GLRA2: variants seen among roughly 807,000 people sequenced by gnomAD.
GLRA2 encodes glycine receptor subunit alpha-2.
GLRA2 carries 11 observed loss-of-function variants against 31.6 expected under a neutral mutation model. That is an observed-to-expected ratio of 0.35 (90% CI 0.22 to 0.58). The LOEUF (loss-of-function observed/expected upper bound fraction) is 0.58, where lower values mean the gene tolerates loss of function less well. Ranked by LOEUF, GLRA2 falls within the 20% of genes least tolerant of loss-of-function variation. The pLI is 0.84. For missense variants in GLRA2, 212 were observed against 351.8 expected, an observed-to-expected ratio of 0.60 and a Z score of 3.18; for synonymous variants, 132 against 134.0, an observed-to-expected ratio of 0.99 and a Z score of 0.10.
the GLRA2 span, among the ~76,000 whole-genome samples, chrX:14,470,102 C>G: frequency 9.0e-6 from 1 of 111,547 alleles, no homozygotes; most frequent in Non-Finnish European, 1.9e-5. Context: ...ATCCTTAAGT[C>G]AAATTTTTAT....
At chrX:14,645,933 G>A (rs753552643) in intron 7 of GLRA2, among the ~76,000 whole-genome samples, 2 of 111,609 alleles carry the variant, frequency 1.8e-5, no homozygotes, top group Non-Finnish European at 3.8e-5. Flanking sequence ...CTTCCAACCT[G>A]ACTGCATGAA....
chrX:14,454,050 G>A, the GLRA2 span, among the ~76,000 whole-genome samples: 1 of 111,003 alleles, frequency 9.0e-6, no homozygotes, highest in South Asian at 3.8e-4. Flanking sequence ...GTAGTAGAAA[G>A]GTGAGTTGGT....
At chrX:14,485,689 C>T in the GLRA2 span, among the ~76,000 whole-genome samples, 2 of 111,636 alleles carry the variant, frequency 1.8e-5, no homozygotes, top group Non-Finnish European at 3.8e-5. Context: ...CCACATGTCA[C>T]CACCCCTACT....
rs1569502164 is a variant in GLRA2, at chrX:14,581,489, T to C, written c.494+83T>C. 12 of 551,086 alleles carry C rather than the reference T, an allele frequency of 2.2e-5. No individual in the cohort carries two copies. The East Asian group carries it at 3.8e-4, about 17-fold the overall frequency. The allele number at this position is 551,086 out of a possible 1,213,427, so 45.4% of individuals were successfully genotyped here. A position where few individuals can be genotyped will look rare whatever the true frequency, so the allele number is the denominator to read the frequency against. Reference sequence around the variant, plus strand: ...GCCTGATTCTGCAGGGTAGGATGTATATGAATATTTGACTTTTGTGGTTTC... The same window carrying C: ...GCCTGATTCTGCAGGGTAGGATGTACATGAATATTTGACTTTTGTGGTTTC... On this transcript the variant is annotated intron_variant, in intron 4 of 8. Coordinates refer to ENST00000218075, the MANE Select transcript of GLRA2 (RefSeq NM_002063.4).
chrX:14,480,582 G>T, the GLRA2 span, among the ~76,000 whole-genome samples: 1 of 111,517 alleles, frequency 9.0e-6, no homozygotes, highest in African/African-American at 3.3e-5. Flanking sequence ...CATATAGCGA[G>T]CCAGCTATCC....
intron 7 of GLRA2, among the ~76,000 whole-genome samples, chrX:14,653,781 C>T (rs1373412668): frequency 6.2e-5 from 7 of 112,124 alleles, no homozygotes; most frequent in Non-Finnish European, 1.1e-4. Flanking sequence ...AGAAATCTTT[C>T]GTAAAAGGAA....
the GLRA2 span, among the ~76,000 whole-genome samples, chrX:14,454,310 T>C: frequency 2.7e-5 from 3 of 110,510 alleles, no homozygotes; most frequent in Non-Finnish European, 5.7e-5. Context: ...TGAGATGTTG[T>C]ACCATAGTTT....
At chrX:14,659,402 C>T (rs1357120006) in intron 7 of GLRA2, among the ~76,000 whole-genome samples, 1 of 112,313 alleles carries the variant, frequency 8.9e-6, no homozygotes, top group Non-Finnish European at 1.9e-5. Flanking sequence ...ATTTACCAAT[C>T]TAACAAAAAT....
chrX:14,640,923 C>T (rs1025467476), intron 7 of GLRA2, among the ~76,000 whole-genome samples: 1 of 110,856 alleles, frequency 9.0e-6, no homozygotes, highest in Non-Finnish European at 1.9e-5. Flanking sequence ...TATTGACATG[C>T]TTGACTCCAG....
chrX:14,571,101 C>T (rs865876067), intron 2 of GLRA2, among the ~76,000 whole-genome samples: 2 of 111,084 alleles, frequency 1.8e-5, no homozygotes, highest in Non-Finnish European at 1.9e-5. Context: ...AAGGAAGGAA[C>T]GAAGGATAGG....
the GLRA2 span, among the ~76,000 whole-genome samples, chrX:14,484,082 C>T: frequency 9.0e-6 from 1 of 111,219 alleles, no homozygotes; most frequent in South Asian, 3.8e-4. Flanking sequence ...TGAGTTAATA[C>T]TTAATAAACT....
chrX:14,712,513 A>T (rs911365614), intron 8 of GLRA2, among the ~76,000 whole-genome samples: 5 of 111,494 alleles, frequency 4.5e-5, no homozygotes, highest in African/African-American at 1.3e-4. Flanking sequence ...ATTGAAAAAA[A>T]AAAAACTATA....
At chrX:14,558,369 A>G (rs2089679938) in intron 2 of GLRA2, among the ~76,000 whole-genome samples, 1 of 111,984 alleles carries the variant, frequency 8.9e-6, no homozygotes, top group African/African-American at 3.2e-5. Context: ...AGGCTCAGAG[A>G]ATTTTTGGCA....
chrX:14,572,197 A>C (rs1243973282), intron 2 of GLRA2, among the ~76,000 whole-genome samples: 2 of 112,434 alleles, frequency 1.8e-5, no homozygotes, highest in Non-Finnish European at 3.8e-5. Flanking sequence ...TAATGGTATG[A>C]CCCAGCTTTC....
chrX:14,601,023 T>C (rs1231852913), intron 4 of GLRA2, among the ~76,000 whole-genome samples: 1 of 110,730 alleles, frequency 9.0e-6, no homozygotes, highest in Non-Finnish European at 1.9e-5. Context: ...GTTTGTTTGT[T>C]TACTTTTTTT....
Position 14,531,257 on chromosome X carries a change from C to T in GLRA2, c.69-982C>T, listed in dbSNP as rs2089251812. The T allele has an allele frequency of 1.7e-5, 8 of 481,308 alleles. No homozygotes were observed. In the Admixed American group the frequency reaches 2.8e-4, roughly 17 times the overall value. The allele number at this position is 481,308 out of a possible 1,213,427, so 39.7% of individuals were successfully genotyped here. ...TCATCTTTGCACTTATTTTGAATAC[C>T]CCTTCTTTGAAAAGCTGGCAAGAAT... On this transcript the variant is annotated intron_variant, in intron 1 of 8. Coordinates refer to ENST00000218075, the MANE Select transcript of GLRA2 (RefSeq NM_002063.4).
chrX:14,530,382 T>A (rs752873099), intron 1 of GLRA2, among the ~76,000 whole-genome samples: 15 of 111,952 alleles, frequency 1.3e-4, no homozygotes, highest in Non-Finnish European at 2.8e-4. Context: ...TAAGGTAGTC[T>A]GATGAGTTGC....
At chrX:14,515,065 G>A in the GLRA2 span, among the ~76,000 whole-genome samples, 3 of 109,355 alleles carry the variant, frequency 2.7e-5, no homozygotes, top group Non-Finnish European at 3.8e-5. Flanking sequence ...TCCCTTCCTC[G>A]AGTTCTAATG....
chrX:14,701,134 A>C (rs897679569), intron 8 of GLRA2, among the ~76,000 whole-genome samples: 1 of 110,875 alleles, frequency 9.0e-6, no homozygotes, highest in Non-Finnish European at 1.9e-5. Context: ...GTGACAGAGT[A>C]GGAGGTGTGA....
Sources: allele counts gnomAD v4.1 joint callset (sites outside exome capture counted in the v4.1 genomes callset), GRCh38; gene constraint gnomAD v4.1.1; transcripts MANE v1.5; gene names NCBI Gene and HGNC (gene_info 2026-07-23, HGNC 2026-07-21).